Variants in KIAA1217 observed in about 807,000 individuals in gnomAD.
The protein encoded by KIAA1217 is sickle tail protein homolog.
In KIAA1217, 88 loss-of-function variants were observed where a neutral mutation model predicts 163.9. That is an observed-to-expected ratio of 0.54 (90% CI 0.45 to 0.64). The LOEUF is 0.64. Among genes scored for constraint, KIAA1217 ranks in the 30% least tolerant of loss-of-function variants. The pLI is 0.00. For synonymous variants in KIAA1217, 903 were observed against 923.1 expected (o/e 0.98, Z 0.39); for missense variants, 2,372 against 2,475.0 (o/e 0.96, Z 0.88).
At chr10:23,802,593 G>A (rs1015975808) in intron 1 of KIAA1217, among the ~76,000 whole-genome samples, 11 of 152,202 alleles carry the variant, frequency 7.2e-5, no homozygotes, top group African/African-American at 2.7e-4. Flanking sequence ...TTTTAGAATA[G>A]TTGACCTAAA....
At chr10:24,401,957 C>G (rs1346014270) in intron 3 of KIAA1217, among the ~76,000 whole-genome samples, 1 of 152,058 alleles carries the variant, frequency 6.6e-6, no homozygotes, top group African/African-American at 2.4e-5. Context: ...TACAGTTGCT[C>G]CAGAGAACAT....
intron 1 of KIAA1217, among the ~76,000 whole-genome samples, chr10:23,961,469 T>C (rs1844817971): frequency 6.6e-6 from 1 of 152,164 alleles, no homozygotes; most frequent in Admixed American, 6.5e-5. Context: ...TCTATAACTG[T>C]AGAAAAATTA....
intron 1 of KIAA1217, among the ~76,000 whole-genome samples, chr10:23,724,539 A>AT (rs1181364354): frequency 3.9e-5 from 6 of 152,056 alleles, no homozygotes; most frequent in African/African-American, 1.2e-4. Flanking sequence ...ATGGTGTTAG[A>AT]TTTTTCAGTA....
intron 2 of KIAA1217, among the ~76,000 whole-genome samples, chr10:24,059,458 T>C (rs1202126121): frequency 6.6e-6 from 1 of 152,224 alleles, no homozygotes; most frequent in Non-Finnish European, 1.5e-5. Context: ...TTAGAATTAA[T>C]TCTTTTTTAA....
chr10:24,545,258 T>C, intron 20 of KIAA1217, 155 bp downstream of exon 20: 7 of 1,427,432 alleles, frequency 4.9e-6, no homozygotes, highest in Non-Finnish European at 6.4e-6. Context: ...AATAAACCTT[T>C]GTTACACTTT....
intron 3 of KIAA1217, among the ~76,000 whole-genome samples, chr10:24,414,525 G>C (rs16924735): frequency 6.6e-6 from 1 of 152,164 alleles, no homozygotes; most frequent in Non-Finnish European, 1.5e-5. Flanking sequence ...CCAGTGCCTT[G>C]AGTTGGAAAG....
At chr10:24,295,290 C>T (rs1478311110) in intron 2 of KIAA1217, among the ~76,000 whole-genome samples, 2 of 152,278 alleles carry the variant, frequency 1.3e-5, no homozygotes, top group South Asian at 2.1e-4. Context: ...ATATATCTTT[C>T]TCTAACCCTT....
intron 2 of KIAA1217, among the ~76,000 whole-genome samples, chr10:24,359,264 T>G (rs1279656480): frequency 6.6e-6 from 1 of 151,944 alleles, no homozygotes; most frequent in Non-Finnish European, 1.5e-5. Flanking sequence ...TAATTTTTTG[T>G]GTGTTTTTTG....
intron 2 of KIAA1217, among the ~76,000 whole-genome samples, chr10:24,368,587 G>C (rs1209588832): frequency 1.3e-5 from 2 of 152,068 alleles, no homozygotes; most frequent in Non-Finnish European, 2.9e-5. Context: ...GGTTAAGGTT[G>C]GAAATCGAAG....
intron 1 of KIAA1217, among the ~76,000 whole-genome samples, chr10:23,797,741 A>G (rs1009058448): frequency 6.6e-6 from 1 of 152,296 alleles, no homozygotes; most frequent in Non-Finnish European, 1.5e-5. Context: ...ATCTGCCCCT[A>G]TGATCCCATC....
intron 2 of KIAA1217, among the ~76,000 whole-genome samples, chr10:24,363,986 T>TC (rs1169862393): frequency 1.1e-4 from 17 of 152,132 alleles, no homozygotes; most frequent in Admixed American, 3.3e-4. Flanking sequence ...TCCACTTTTT[T>TC]TTTTTTTTTG....
chr10:24,547,418 C>T lies in KIAA1217; in HGVS notation c.*1094C>T, dbSNP rs2075763819. The T allele has an allele frequency of 1.3e-5, 2 of 152,594 alleles. No homozygotes were observed. The highest frequency in any genetic ancestry group is 4.8e-5 in the African/African-American group (2 of 41,438). The allele number at this position is 152,594 out of a possible 1,614,324, so 9.5% of individuals were successfully genotyped here. A position where few individuals can be genotyped will look rare whatever the true frequency, so the allele number is the denominator to read the frequency against. On this transcript the variant is annotated 3_prime_UTR_variant, in exon 21 of 21. Transcript: ENST00000376454. ...TTTGTAAATAAATGTATTTGTATAACACAGTCATGTAATATACAGAACTAT... is the reference window on the plus strand; with the variant it reads ...TTTGTAAATAAATGTATTTGTATAATACAGTCATGTAATATACAGAACTAT...
At chr10:24,314,993 A>G (rs1054404294) in intron 2 of KIAA1217, among the ~76,000 whole-genome samples, 3 of 152,176 alleles carry the variant, frequency 2.0e-5, no homozygotes, top group Non-Finnish European at 4.4e-5. Flanking sequence ...TGTTCATCTA[A>G]GAACCTACCC....
intron 1 of KIAA1217, among the ~76,000 whole-genome samples, chr10:23,712,578 G>C (rs1235426343): frequency 6.6e-6 from 1 of 152,042 alleles, no homozygotes; most frequent in East Asian, 1.9e-4. Context: ...TTTTGAACCT[G>C]CTTTATTTCA....
intron 1 of KIAA1217, among the ~76,000 whole-genome samples, chr10:23,865,721 A>G (rs1449826497): frequency 6.6e-6 from 1 of 152,122 alleles, no homozygotes; most frequent in African/African-American, 2.4e-5. Flanking sequence ...TCTATATAGG[A>G]TGAAGTCCAA....
chr10:24,063,501 C>G (rs1272532059), intron 2 of KIAA1217, among the ~76,000 whole-genome samples: 1 of 152,068 alleles, frequency 6.6e-6, no homozygotes, highest in Non-Finnish European at 1.5e-5. Context: ...CGGTCTATAT[C>G]CCTGTTTTGG....
intron 2 of KIAA1217, among the ~76,000 whole-genome samples, chr10:24,122,460 C>T (rs1349439926): frequency 6.6e-6 from 1 of 151,982 alleles, no homozygotes; most frequent in Admixed American, 6.6e-5. Context: ...ACGATATGTT[C>T]AAATATTCAA....
intron 2 of KIAA1217, among the ~76,000 whole-genome samples, chr10:24,147,088 G>A (rs2064356965): frequency 6.6e-6 from 1 of 151,186 alleles, no homozygotes; most frequent in African/African-American, 2.4e-5. Context: ...TGAGGCCCCA[G>A]GATTTGCAGT....
At chr10:23,755,019 G>A (rs768037141) in intron 1 of KIAA1217, among the ~76,000 whole-genome samples, 9 of 151,494 alleles carry the variant, frequency 5.9e-5, no homozygotes, top group Non-Finnish European at 1.0e-4. Context: ...AATACAAACC[G>A]AATTTCATCT....
Sources: gnomAD v4.1 joint callset for allele counts (sites outside exome capture counted in the v4.1 genomes callset) on GRCh38, gnomAD v4.1.1 for gene constraint, MANE v1.5 for transcripts, NCBI Gene and HGNC (gene_info 2026-07-23, HGNC 2026-07-21) for gene names.